SH3D19: variants seen among roughly 807,000 people sequenced by gnomAD.
The protein encoded by SH3D19 is SH3 domain-containing protein 19.
SH3D19 carries 58 observed loss-of-function variants against 112.1 expected under a neutral mutation model. The ratio of observed to expected loss-of-function variants is 0.52; its 90% confidence interval spans 0.42 to 0.64. SH3D19 has a LOEUF of 0.64. SH3D19 is among the 30% of genes least tolerant of loss of function. SH3D19 has a pLI of 0.00. For missense variants in SH3D19, 1,090 were observed against 1,263.4 expected (o/e 0.86, Z 2.08); for synonymous variants, 391 against 448.5 (o/e 0.87, Z 1.62).
At chr4:151,132,258 A>C in intron 17 of SH3D19, 73 bp downstream of exon 17, 1 of 1,265,756 alleles carries the variant, frequency 7.9e-7, no homozygotes, top group Non-Finnish European at 1.1e-6. Context: ...ATTCTCTTGA[A>C]AATTATGATT....
intron 8 of SH3D19, among the ~76,000 whole-genome samples, chr4:151,165,360 G>GAAGGGAAAGGGAAGCGAAGGGGA (rs1312785233): frequency 2.0e-5 from 3 of 152,106 alleles, no homozygotes; most frequent in Admixed American, 6.6e-5. Context: ...AAAAGGAAGG[G>GAAGGGAAAGGGAAGCGAAGGGGA]AAGGGAAAGG....
chr4:151,207,697 G>A (rs1190653393), intron 2 of SH3D19, among the ~76,000 whole-genome samples: 3 of 152,168 alleles, frequency 2.0e-5, no homozygotes, highest in Non-Finnish European at 2.9e-5. Context: ...AGCACGAAGG[G>A]ATAGCACAAA....
rs568976568 is a variant in SH3D19, at chr4:151,306,941, G to T, written c.112+18300C>A. The stretch of plus-strand genomic sequence containing the variant: ...AAATATCTTTATCATCCACTCTCCC[G>T]CATCATTCCTTACAATTTTCAGGGT... On this transcript the variant is annotated intron_variant, in intron 1 of 19. Coordinates refer to ENST00000604030, the MANE Select transcript of SH3D19 (RefSeq NM_001378122.1). Among the ~76,000 whole-genome samples the T allele has an allele frequency of 3.3e-5, 5 of 151,268 alleles. No homozygotes were observed. The East Asian group carries it at 9.7e-4, about 29-fold the overall frequency.
At chr4:151,238,382 A>G (rs1770292593) in intron 1 of SH3D19, among the ~76,000 whole-genome samples, 1 of 152,226 alleles carries the variant, frequency 6.6e-6, no homozygotes, top group African/African-American at 2.4e-5. Flanking sequence ...TCAGGTGCCA[A>G]AGGACGGATA....
intron 2 of SH3D19, among the ~76,000 whole-genome samples, chr4:151,195,740 T>G (rs1320019332): frequency 6.6e-6 from 1 of 151,836 alleles, no homozygotes; most frequent in Non-Finnish European, 1.5e-5. Flanking sequence ...AATCCTAAAT[T>G]AAAAAAATAA....
intron 1 of SH3D19, among the ~76,000 whole-genome samples, chr4:151,288,748 GA>G (rs143263757): frequency 0.037 from 5,619 of 151,982 alleles, 314 homozygotes; most frequent in African/African-American, 0.13. Flanking sequence ...AAACATTTAA[GA>G]AAACAATATT....
At chr4:151,278,502 GAA>G (rs975921199) in intron 1 of SH3D19, among the ~76,000 whole-genome samples, 2 of 151,974 alleles carry the variant, frequency 1.3e-5, no homozygotes, top group Admixed American at 1.3e-4. Context: ...TGAAAAGTAA[GAA>G]AAGTCTCTAA....
chr4:151,260,693 T>C (rs1038870402), intron 1 of SH3D19, among the ~76,000 whole-genome samples: 8 of 152,168 alleles, frequency 5.3e-5, no homozygotes, highest in African/African-American at 1.7e-4. Context: ...AAATGACACA[T>C]TGTGGCCTAC....
At chr4:151,271,732 G>A (rs1226111957) in intron 1 of SH3D19, among the ~76,000 whole-genome samples, 1 of 152,096 alleles carries the variant, frequency 6.6e-6, no homozygotes, top group African/African-American at 2.4e-5. Context: ...GCTGAGAAAT[G>A]AGTTCAATAA....
chr4:151,204,809 A>G (rs1427267043), intron 2 of SH3D19, among the ~76,000 whole-genome samples: 2 of 152,116 alleles, frequency 1.3e-5, no homozygotes, highest in Non-Finnish European at 2.9e-5. Context: ...TTAAATACTG[A>G]GATCAAGTCT....
intron 2 of SH3D19, among the ~76,000 whole-genome samples, chr4:151,211,895 G>A (rs1399760803): frequency 6.6e-6 from 1 of 152,234 alleles, no homozygotes; most frequent in East Asian, 1.9e-4. Flanking sequence ...AGGTGAAGTT[G>A]CAAGTGCTGA....
At chr4:151,141,040 C>A (rs545203973) in intron 12 of SH3D19, 14 of 152,154 alleles carry the variant, frequency 9.2e-5, no homozygotes, top group African/African-American at 3.4e-4. Context: ...AAGACCCTAA[C>A]ATTTTTTCAT....
chr4:151,255,755 G>A (rs890337839), intron 1 of SH3D19, among the ~76,000 whole-genome samples: 3 of 152,232 alleles, frequency 2.0e-5, no homozygotes, highest in Non-Finnish European at 4.4e-5. Context: ...CTGAGTGAAC[G>A]AGACTCCGTC....
intron 2 of SH3D19, among the ~76,000 whole-genome samples, chr4:151,198,571 G>T (rs1352141946): frequency 6.6e-6 from 1 of 150,652 alleles, no homozygotes; most frequent in Non-Finnish European, 1.5e-5. Flanking sequence ...GCCTTCCTTT[G>T]ACCCTTTAGA....
intron 8 of SH3D19, among the ~76,000 whole-genome samples, chr4:151,159,766 G>T (rs533800763): frequency 1.2e-4 from 19 of 152,096 alleles, no homozygotes; most frequent in Middle Eastern, 3.4e-3. Flanking sequence ...TAAAATTTCA[G>T]TTCCTCAGTT....
At chr4:151,291,095 A>T (rs1235570220) in intron 1 of SH3D19, 1 of 1,564,536 alleles carries the variant, frequency 6.4e-7, no homozygotes, top group South Asian at 1.1e-5. Context: ...CACTATGCTC[A>T]TTACCTTTCA....
intron 1 of SH3D19, chr4:151,300,565 T>G (rs1300256291): frequency 6.6e-6 from 1 of 151,772 alleles, no homozygotes; most frequent in Non-Finnish European, 1.5e-5. Context: ...GATACCGAGA[T>G]TAGCATGGCA....
At chr4:151,147,854 A>C in intron 11 of SH3D19, 68 bp downstream of exon 11, 2 of 1,494,154 alleles carry the variant, frequency 1.3e-6, no homozygotes, top group Non-Finnish European at 1.8e-6. Context: ...TTTCTAAGGA[A>C]TGATGAATCG....
rs187649793 is a variant in SH3D19 at position 151,131,678 on chromosome 4, C to T, written c.2742+653G>A. 2.0e-3 allele frequency among the ~76,000 whole-genome samples: 306 copies of T among 151,972 alleles called. 3 individuals are homozygous for T. The highest frequency in any genetic ancestry group is 6.9e-3 in the African/African-American group (285 of 41,438). The stretch of plus-strand genomic sequence containing the variant: ...ATTTTTTTTGTATTTTTAGTAGAGA[C>T]GGGGTTTCACCGTGTTAGCCAGGGT... On this transcript the variant is annotated intron_variant, in intron 17 of 19. Coordinates refer to ENST00000604030, the MANE Select transcript of SH3D19 (RefSeq NM_001378122.1).
Sources: gnomAD v4.1 joint callset for allele counts (sites outside exome capture counted in the v4.1 genomes callset) on GRCh38, gnomAD v4.1.1 for gene constraint, MANE v1.5 for transcripts, NCBI Gene and HGNC (gene_info 2026-07-23, HGNC 2026-07-21) for gene names.